The following FREM3 variants were observed in gnomAD, a reference collection of about 807,000 sequenced individuals.
The protein encoded by FREM3 is FRAS1-related extracellular matrix protein 3.
Under a neutral mutation model 129.1 loss-of-function variants are expected in FREM3, and 105 were observed. The observed-to-expected ratio is 0.81, with a 90% CI of 0.69 to 0.96. The LOEUF is 0.96. FREM3 is among the 40% of genes least tolerant of loss of function. The probability of loss-of-function intolerance (pLI) is 0.00; values close to 1 mark genes in which losing one functional copy is unlikely to be tolerated. For missense variants in FREM3, 2,593 were observed against 2,666.3 expected (o/e 0.97, Z 0.61); for synonymous variants, 1,014 against 1,044.9 (o/e 0.97, Z 0.57).
intron 2 of FREM3, among the ~76,000 whole-genome samples, chr4:143,675,347 A>T (rs909435079): frequency 2.6e-5 from 4 of 152,200 alleles, no homozygotes; most frequent in African/African-American, 9.7e-5. Context: ...ACCAACGAGA[A>T]CAAAGACACA....
chr4:143,647,869 T>C (rs975735872), intron 2 of FREM3, among the ~76,000 whole-genome samples: 2 of 152,178 alleles, frequency 1.3e-5, no homozygotes, highest in African/African-American at 4.8e-5. Flanking sequence ...GGGCACTGCC[T>C]GATTAAACGG....
At chr4:143,594,528 A>T (rs1738432250) in intron 6 of FREM3, among the ~76,000 whole-genome samples, 2 of 152,194 alleles carry the variant, frequency 1.3e-5, no homozygotes, top group South Asian at 4.1e-4. Flanking sequence ...CTTCTGATGT[A>T]TTTTGAACTT....
intron 2 of FREM3, among the ~76,000 whole-genome samples, chr4:143,674,452 G>T (rs1487161302): frequency 6.6e-6 from 1 of 152,138 alleles, no homozygotes; most frequent in Non-Finnish European, 1.5e-5. Flanking sequence ...AAATTGTAAA[G>T]ACCATTGATG....
chr4:143,655,756 G>C (rs1200584483), intron 2 of FREM3, among the ~76,000 whole-genome samples: 1 of 152,142 alleles, frequency 6.6e-6, no homozygotes, highest in African/African-American at 2.4e-5. Context: ...AGAGCAAATC[G>C]GAGTGAACCT....
intron 2 of FREM3, among the ~76,000 whole-genome samples, chr4:143,652,555 G>GA (rs929486095): frequency 6.6e-6 from 1 of 152,026 alleles, no homozygotes; most frequent in Non-Finnish European, 1.5e-5. Context: ...ATGAAATATA[G>GA]AAAAAAAATC....
intron 2 of FREM3, among the ~76,000 whole-genome samples, chr4:143,660,923 T>C (rs1368584172): frequency 6.6e-6 from 1 of 152,188 alleles, no homozygotes; most frequent in Non-Finnish European, 1.5e-5. Flanking sequence ...GTGATTTTTG[T>C]ACATTGATTT....
chr4:143,700,327 A>T lies in FREM3; in HGVS notation c.349T>A (p.Cys117Ser). The change falls in exon 1 of 8, where the codon TGC becomes AGC. Residue 117 changes from cysteine (C) to serine (S), a missense_variant. Physicochemically the swap from Cys to Ser is moderately radical, Grantham distance 112. This residue lies in a region of FREM3 where 2,276 missense variants were observed against 2,267.2 expected (regional missense o/e 1.00). Transcript: ENST00000329798. ...TGGACTTGGCGGGGCCCGAAGGTGC[A>T]GGGGAAGCGGCGCGGGGAGAGCGCG... is the stretch of plus-strand genomic sequence containing the variant. Reference protein sequence around the residue: ...KGALSPRRFPCTFGPRQVQYT... With the variant: ...KGALSPRRFPSTFGPRQVQYT... 2 of 1,534,960 alleles carry T rather than the reference A, an allele frequency of 1.3e-6. No individual in the cohort carries two copies. Among genetic ancestry groups the T allele is most frequent in the Non-Finnish European group, 1.7e-6 (2 of 1,145,904 alleles).
rs1740641830 is a variant in FREM3 at position 143,699,182 on chromosome 4, C to G, written c.1494G>C (p.Leu498=). Residue 498 remains leucine, a synonymous_variant, in exon 1 of 8, where the codon CTG becomes CTC. Coordinates refer to ENST00000329798, the MANE Select transcript of FREM3 (RefSeq NM_001168235.2). The surrounding 1 kb of genome is among the most constrained non-coding windows in gnomAD (Gnocchi z 4.2). ...GCTGATACACCACTCGCCCTGCTGC[C>G]AGGTCCGCTGGTGTGAAATACTTGC... The part of the protein sequence containing the change: ...AGCKYFTPAD[L]AAGRVVYQHD... The G allele has an allele frequency of 1.2e-5, 19 of 1,537,370 alleles. No individual in the cohort carries two copies. Among genetic ancestry groups the G allele is most frequent in the Non-Finnish European group, 1.7e-5 (19 of 1,146,934 alleles).
In FREM3 at chr4:143,697,686, A is replaced by G. The variant is rs1256400268; in HGVS notation, c.2990T>C (p.Ile997Thr). 2 of 1,537,830 alleles carry G rather than the reference A, an allele frequency of 1.3e-6. No homozygotes were observed. The highest frequency in any genetic ancestry group is 2.4e-5 in the East Asian group (1 of 40,904). ...TTCTGTGGGCAAACCATTTACCAGA[A>G]TAGTGCCCAGTTTGGGGCTGTCCTT... ...IVKDSPKLGTILVNGLPTERF... is the reference protein window; with the variant it reads ...IVKDSPKLGTTLVNGLPTERF... Residue 997 changes from isoleucine to threonine, a missense_variant, in exon 1 of 8, where the codon ATT (isoleucine) becomes ACT (threonine). Ile to Thr is a moderately conservative substitution (Grantham distance 89). Coordinates refer to ENST00000329798, the MANE Select transcript of FREM3 (RefSeq NM_001168235.2).
chr4:143,677,486 A>T (rs1353628304), intron 2 of FREM3, among the ~76,000 whole-genome samples: 1 of 152,250 alleles, frequency 6.6e-6, no homozygotes, highest in Non-Finnish European at 1.5e-5. Flanking sequence ...GGCATGGGCA[A>T]GGACTTCATG....
intron 2 of FREM3, among the ~76,000 whole-genome samples, chr4:143,648,311 A>T (rs1453105467): frequency 6.6e-6 from 1 of 152,096 alleles, no homozygotes; most frequent in Non-Finnish European, 1.5e-5. Context: ...GAGACTTTGG[A>T]CTTGGACTTT....
chr4:143,604,122 C>G (rs1406165293), intron 6 of FREM3, among the ~76,000 whole-genome samples: 1 of 152,020 alleles, frequency 6.6e-6, no homozygotes, highest in African/African-American at 2.4e-5. Context: ...CTGGCACTTC[C>G]TCCCCTCTCT....
chr4:143,583,110 C>A (rs756030903), intron 7 of FREM3, among the ~76,000 whole-genome samples: 1 of 151,950 alleles, frequency 6.6e-6, no homozygotes, highest in Non-Finnish European at 1.5e-5. Flanking sequence ...CTCAAGCAAT[C>A]CACCTGCCTA....
chr4:143,612,967 G>C (rs1361065545), intron 5 of FREM3, among the ~76,000 whole-genome samples: 3 of 152,158 alleles, frequency 2.0e-5, no homozygotes, highest in African/African-American at 7.2e-5. Flanking sequence ...ATGCACATAT[G>C]CAAGATGACA....
intron 2 of FREM3, among the ~76,000 whole-genome samples, chr4:143,669,560 G>A (rs1739928602): frequency 6.6e-6 from 1 of 151,614 alleles, no homozygotes; most frequent in Admixed American, 6.6e-5. Flanking sequence ...GGGATTATAG[G>A]CCTGAGCCAC....
At position 143,592,445 on chromosome 4, in the gene FREM3, A is replaced by G. The variant is rs191043177; in HGVS notation, c.6029-6452T>C. Among the ~76,000 whole-genome samples, 718 of 152,290 alleles carry G rather than the reference A, an allele frequency of 4.7e-3. 11 individuals are homozygous for G. Among genetic ancestry groups the G allele is most frequent in the African/African-American group, 0.016 (662 of 41,554 alleles). On this transcript the variant is annotated intron_variant, in intron 6 of 7. Coordinates refer to ENST00000329798, the MANE Select transcript of FREM3 (RefSeq NM_001168235.2). ...TTTTAGGACAGGCCTCGTGGTGACA[A>G]AATCTCTCAGCATTTGCTTGTCTGT...
Position 143,650,069 on chromosome 4 carries a change from A to G in FREM3, c.5276-22309T>C, listed in dbSNP as rs1739483947. Among the ~76,000 whole-genome samples, 3 of 152,340 alleles carry G rather than the reference A, an allele frequency of 2.0e-5. No homozygotes were observed. The South Asian group carries it at 6.2e-4, about 32-fold the overall frequency. ...ATGTCAATTGTTAACAAAATCATAA[A>G]TGCTATCGCACAGTCAGCATTCCAC... On this transcript the variant is annotated intron_variant, in intron 2 of 7. Transcript: ENST00000329798.
In FREM3 at chr4:143,699,832, C is replaced by G; in HGVS notation, c.844G>C (p.Ala282Pro). 3 of 1,536,548 alleles carry G rather than the reference C, an allele frequency of 2.0e-6. No individual in the cohort carries two copies. In the East Asian group the frequency reaches 7.3e-5, roughly 38 times the overall value. Residue 282 changes from alanine (A) to proline (P), a missense_variant, in exon 1 of 8, where the codon GCG becomes CCG. Ala to Pro is a conservative substitution (Grantham distance 27). Around this residue, in one of 2 missense-constraint regions of FREM3, gnomAD observed 2,276 missense variants for 2,267.2 expected, o/e 1.00. Coordinates refer to ENST00000329798, the MANE Select transcript of FREM3 (RefSeq NM_001168235.2). The surrounding 1 kb of genome is among the most constrained non-coding windows in gnomAD (Gnocchi z 4.2). The part of the protein sequence containing the change: ...LGPEGQDAGS[A>P]GVLVREHFQL... ...AAGTGCTCGCGGACCAGCACACCCG[C>G]GGACCCAGCGTCTTGGCCCTCAGGC...
intron 7 of FREM3, among the ~76,000 whole-genome samples, chr4:143,583,882 A>C (rs1255618305): frequency 6.6e-6 from 1 of 152,240 alleles, no homozygotes; most frequent in Non-Finnish European, 1.5e-5. Flanking sequence ...CATTGACACT[A>C]TAAAGCAACT....
Sources: gnomAD v4.1 joint callset for allele counts (sites outside exome capture counted in the v4.1 genomes callset) on GRCh38, gnomAD v4.1.1 for gene constraint, gnomAD v4.1.1 regional missense constraint, Gnocchi (gnomAD v3.1) non-coding constraint, MANE v1.5 for transcripts, NCBI Gene and HGNC (gene_info 2026-07-23, HGNC 2026-07-21) for gene names.